Variants in RGS8 observed in about 807,000 individuals in gnomAD.
RGS8 encodes the protein regulator of G-protein signaling 8.
RGS8 carries 8 observed loss-of-function variants against 21.7 expected under a neutral mutation model. The observed-to-expected ratio is 0.37, with a 90% CI of 0.22 to 0.66. The LOEUF (loss-of-function observed/expected upper bound fraction) is 0.66. Among genes scored for constraint, RGS8 ranks in the 30% least tolerant of loss-of-function variants. RGS8 has a pLI of 0.59. For synonymous variants in RGS8, 80 were observed against 83.6 expected (o/e 0.96, Z 0.24); for missense variants, 157 against 217.9 (o/e 0.72, Z 1.76).
upstream of RGS8, among the ~76,000 whole-genome samples, chr1:182,688,432 GGAAGAAAAAGAGGGAAAA>G (rs1250632726): frequency 6.6e-6 from 1 of 152,082 alleles, no homozygotes; most frequent in African/African-American, 2.4e-5. Context: ...AAGATGAGGA[GGAAGAAAAAGAGGGAAAA>G]GAAGAAAAAG....
Position 182,648,245 on chromosome 1 carries a change from T to A in RGS8, c.252A>T (p.Glu84Asp), listed in dbSNP as rs760940862. ...TGAACTCCTCACAGGCCAACCAGAA[T>A]TCCAGGTTCTCCTCACTGAACTCCG... is the stretch of plus-strand genomic sequence containing the variant. Residue 84 changes from glutamate (E) to aspartate (D), a missense_variant, in exon 6 of 7, where the codon GAA (glutamate) becomes GAT (aspartate). Around this residue, in one of 3 missense-constraint regions of RGS8, gnomAD observed 125 missense variants for 179.4 expected, o/e 0.70. Coordinates refer to ENST00000483095, the Ensembl canonical transcript of RGS8. 3.2e-5 allele frequency: 51 copies of A among 1,613,658 alleles called. 2 individuals are homozygous for A. The Admixed American group carries it at 8.3e-4, about 26-fold the overall frequency.
the RGS8 span, among the ~76,000 whole-genome samples, chr1:182,700,352 C>T: frequency 6.6e-6 from 1 of 152,302 alleles, no homozygotes; most frequent in Middle Eastern, 3.4e-3. Context: ...ACATTCCCCG[C>T]GACACACACG....
the RGS8 span, among the ~76,000 whole-genome samples, chr1:182,715,468 T>G: frequency 6.6e-6 from 1 of 152,174 alleles, no homozygotes; most frequent in African/African-American, 2.4e-5. Flanking sequence ...ACCCAGTTAT[T>G]GGAAAGGGGA....
chr1:182,707,158 C>G, the RGS8 span, among the ~76,000 whole-genome samples: 2 of 151,996 alleles, frequency 1.3e-5, no homozygotes, highest in Non-Finnish European at 2.9e-5. Context: ...GACTCCATCT[C>G]AAAAAACAAA....
upstream of RGS8, among the ~76,000 whole-genome samples, chr1:182,687,846 G>A (rs1664741226): frequency 6.6e-6 from 1 of 152,146 alleles, no homozygotes; most frequent in South Asian, 2.1e-4. Context: ...AGAAAATACA[G>A]AAATAAAGAA....
chr1:182,673,041 G>C (rs1348280535), upstream of RGS8: 1 of 607,268 alleles, frequency 1.6e-6, no homozygotes, highest in East Asian at 2.8e-5. Flanking sequence ...GCATGCTAAA[G>C]TTTGCAAACC....
the RGS8 span, among the ~76,000 whole-genome samples, chr1:182,742,948 G>A: frequency 6.6e-6 from 1 of 152,136 alleles, no homozygotes; most frequent in South Asian, 2.1e-4. Context: ...ATATGCTAAG[G>A]AAAACTTATT....
chr1:182,703,702 C>T, the RGS8 span, among the ~76,000 whole-genome samples: 1 of 152,282 alleles, frequency 6.6e-6, no homozygotes, highest in Non-Finnish European at 1.5e-5. Flanking sequence ...TTTAAATTTG[C>T]CTTTGGCCTA....
intron 5 of RGS8, 150 bp downstream of exon 6, chr1:182,665,819 G>A (rs1231846500): frequency 7.1e-6 from 4 of 564,768 alleles, no homozygotes; most frequent in African/African-American, 5.5e-5. Flanking sequence ...TTTTCTATAT[G>A]CTCCTCTAGG....
At chr1:182,721,197 T>C in the RGS8 span, among the ~76,000 whole-genome samples, 1 of 151,654 alleles carries the variant, frequency 6.6e-6, no homozygotes, top group Non-Finnish European at 1.5e-5. Flanking sequence ...CCCAATTTAT[T>C]CATTTACTCG....
At chr1:182,697,832 A>C in the RGS8 span, among the ~76,000 whole-genome samples, 1 of 152,230 alleles carries the variant, frequency 6.6e-6, no homozygotes, top group East Asian at 1.9e-4. Context: ...TCGTCTTTCA[A>C]TTGATAGAAT....
the RGS8 span, among the ~76,000 whole-genome samples, chr1:182,740,548 GT>G: frequency 0.013 from 971 of 75,976 alleles, 3 homozygotes; most frequent in East Asian, 0.025. Flanking sequence ...TTGTTTGTTT[GT>G]TTTTTTTTTT....
At chr1:182,668,199 T>G in intron 3 of RGS8, among the ~76,000 whole-genome samples, 1 of 152,196 alleles carries the variant, frequency 6.6e-6, no homozygotes, top group East Asian at 1.9e-4. Context: ...CAGAATAAGT[T>G]TGCTGACCCC....
the RGS8 span, among the ~76,000 whole-genome samples, chr1:182,719,618 T>C: frequency 6.6e-6 from 1 of 151,922 alleles, no homozygotes; most frequent in Non-Finnish European, 1.5e-5. Flanking sequence ...CCCGTAAAGA[T>C]GAGGTCTCAC....
At chr1:182,657,538 TC>T (rs1234500594) in intron 5 of RGS8, among the ~76,000 whole-genome samples, 1 of 151,360 alleles carries the variant, frequency 6.6e-6, no homozygotes, top group Non-Finnish European at 1.5e-5. Context: ...GCAACTGAAG[TC>T]CCCCCGCCCC....
At chr1:182,692,578 CT>C in the RGS8 span, among the ~76,000 whole-genome samples, 17 of 148,986 alleles carry the variant, frequency 1.1e-4, 1 homozygote, top group Admixed American at 4.8e-4. Flanking sequence ...AGTGCTATAC[CT>C]ATCAAACTAC....
At chr1:182,712,491 C>T in the RGS8 span, among the ~76,000 whole-genome samples, 9 of 152,208 alleles carry the variant, frequency 5.9e-5, no homozygotes, top group Non-Finnish European at 1.0e-4. Context: ...AATGTGCTCA[C>T]ATGTCACCCA....
chr1:182,709,476 A>G, the RGS8 span, among the ~76,000 whole-genome samples: 1 of 152,158 alleles, frequency 6.6e-6, no homozygotes, highest in Non-Finnish European at 1.5e-5. Context: ...TGGTCTCCAC[A>G]TCAATGTGAC....
intron 3 of RGS8, 119 bp from the exon 5 acceptor site, chr1:182,667,092 G>T: frequency 1.3e-6 from 1 of 785,584 alleles, no homozygotes; most frequent in Non-Finnish European, 2.2e-6. Context: ...CCTTCCCCAG[G>T]TGGTCTCTGA....
Sources: allele counts gnomAD v4.1 joint callset (sites outside exome capture counted in the v4.1 genomes callset), GRCh38; gene constraint gnomAD v4.1.1; regional missense constraint gnomAD v4.1.1; transcripts MANE v1.5; gene names NCBI Gene and HGNC (gene_info 2026-07-23, HGNC 2026-07-21).